MKLN1: variants seen among roughly 807,000 people sequenced by gnomAD.
MKLN1 encodes the protein muskelin 1.
In MKLN1, 18 loss-of-function variants were observed where a neutral mutation model predicts 99.0. That is an observed-to-expected ratio of 0.18 (90% CI 0.13 to 0.27). The LOEUF (loss-of-function observed/expected upper bound fraction) is 0.27. MKLN1 is among the 10% of genes least tolerant of loss of function. MKLN1 has a pLI of 1.00. For missense variants in MKLN1, 621 were observed against 875.9 expected (o/e 0.71, Z 3.67); for synonymous variants, 288 against 293.2 (o/e 0.98, Z 0.18).
At chr7:131,442,528 CAA>C (rs1249373686) in intron 10 of MKLN1, among the ~76,000 whole-genome samples, 5 of 151,618 alleles carry the variant, frequency 3.3e-5, no homozygotes, top group Admixed American at 2.6e-4. Flanking sequence ...GCCTGGGCAA[CAA>C]GAGTGAAATT....
chr7:131,248,815 G>A (rs1797535157), intron 3 of MKLN1, among the ~76,000 whole-genome samples: 1 of 152,148 alleles, frequency 6.6e-6, no homozygotes, highest in African/African-American at 2.4e-5. Flanking sequence ...CACATGGGTG[G>A]GCACCTGCCT....
At chr7:131,363,643 G>A (rs1800093033) in intron 1 of MKLN1, among the ~76,000 whole-genome samples, 2 of 151,574 alleles carry the variant, frequency 1.3e-5, no homozygotes, top group African/African-American at 4.8e-5. Context: ...GAACTTGTTT[G>A]TTCCTTTGTG....
At chr7:131,312,732 T>C (rs1050531913) in intron 3 of MKLN1, among the ~76,000 whole-genome samples, 2 of 152,234 alleles carry the variant, frequency 1.3e-5, no homozygotes, top group African/African-American at 4.8e-5. Flanking sequence ...TGTAAATTTC[T>C]GGCCTAGTAG....
At chr7:131,129,017 A>G (rs1197137905) in intron 1 of MKLN1, among the ~76,000 whole-genome samples, 1 of 151,524 alleles carries the variant, frequency 6.6e-6, no homozygotes, top group East Asian at 1.9e-4. Flanking sequence ...CAACTCATAC[A>G]CTTACAAGAA....
chr7:131,137,674 A>AAG (rs1584784754), intron 1 of MKLN1, among the ~76,000 whole-genome samples: 1 of 152,160 alleles, frequency 6.6e-6, no homozygotes, highest in Admixed American at 6.5e-5. Context: ...TCCTGGGTTC[A>AAG]TGCAATTCTC....
intron 3 of MKLN1, among the ~76,000 whole-genome samples, chr7:131,304,230 A>C (rs900783584): frequency 6.6e-6 from 1 of 152,112 alleles, no homozygotes; most frequent in Non-Finnish European, 1.5e-5. Context: ...AATTAGCTGG[A>C]GGAAGTGGCC....
chr7:131,399,551 C>G (rs191546723), intron 6 of MKLN1, 118 bp downstream of exon 6: 12 of 800,950 alleles, frequency 1.5e-5, no homozygotes. Context: ...GTTTTTTACT[C>G]GGTTAAAGAT....
chr7:131,281,002 T>A (rs1355992932), intron 3 of MKLN1, among the ~76,000 whole-genome samples: 1 of 152,230 alleles, frequency 6.6e-6, no homozygotes, highest in Non-Finnish European at 1.5e-5. Flanking sequence ...GACTGTCTTT[T>A]CACTTTCTTG....
At chr7:131,326,315 A>C (rs1798888704), upstream of MKLN1, among the ~76,000 whole-genome samples, 1 of 152,192 alleles carries the variant, frequency 6.6e-6, no homozygotes, top group Non-Finnish European at 1.5e-5. Flanking sequence ...GCTGCAACAC[A>C]GAAAGCACAT....
chr7:131,205,920 G>GTCT (rs1796803527), intron 3 of MKLN1, among the ~76,000 whole-genome samples: 1 of 144,686 alleles, frequency 6.9e-6, no homozygotes, highest in Admixed American at 7.0e-5. Context: ...CTGAAACAGA[G>GTCT]TCTTGCTCTG....
intron 1 of MKLN1, among the ~76,000 whole-genome samples, chr7:131,111,657 A>G (rs1318122205): frequency 6.7e-6 from 1 of 150,036 alleles, no homozygotes; most frequent in Non-Finnish European, 1.5e-5. Context: ...TAAAGCCTAG[A>G]AAAAAAAAAC....
intron 12 of MKLN1, among the ~76,000 whole-genome samples, chr7:131,456,555 G>C (rs1182431518): frequency 6.6e-6 from 1 of 152,086 alleles, no homozygotes; most frequent in Non-Finnish European, 1.5e-5. Flanking sequence ...CATTATGTCA[G>C]TGCAGAAACC....
At chr7:131,301,512 T>C (rs1288134398) in intron 3 of MKLN1, among the ~76,000 whole-genome samples, 1 of 152,192 alleles carries the variant, frequency 6.6e-6, no homozygotes. Context: ...GATTTTAACA[T>C]TATGAGGGCA....
intron 3 of MKLN1, among the ~76,000 whole-genome samples, chr7:131,260,224 T>C (rs187330224): frequency 6.6e-6 from 1 of 152,174 alleles, no homozygotes; most frequent in African/African-American, 2.4e-5. Context: ...TTTTGTATTT[T>C]AGTAGAGATG....
chr7:131,433,484 T>G (rs549293631), intron 9 of MKLN1, among the ~76,000 whole-genome samples: 2,469 of 152,280 alleles, frequency 0.016, 46 homozygotes, highest in African/African-American at 0.054. Flanking sequence ...AATATGCCAT[T>G]ACTCATCAAA....
At chr7:131,429,816 G>A (rs1584734156) in intron 9 of MKLN1, among the ~76,000 whole-genome samples, 1 of 152,074 alleles carries the variant, frequency 6.6e-6, no homozygotes, top group South Asian at 2.1e-4. Flanking sequence ...TCCTGACCTC[G>A]TGATCCACCC....
intron 2 of MKLN1, among the ~76,000 whole-genome samples, chr7:131,169,338 A>G (rs539761737): frequency 1.3e-5 from 2 of 152,342 alleles, no homozygotes; most frequent in South Asian, 4.1e-4. Context: ...CTCGTAATCA[A>G]TTGATGCCCC....
Position 131,487,805 on chromosome 7 carries a change from C to T in MKLN1, c.*77C>T. 1 of 1,525,338 alleles carries T rather than the reference C, an allele frequency of 6.6e-7. No homozygotes were observed. Among genetic ancestry groups the T allele is most frequent in the South Asian group, 1.2e-5 (1 of 82,424 alleles). 94.5% of individuals were successfully genotyped at this position (1,525,338 alleles called of 1,614,324 possible). On this transcript the variant is annotated 3_prime_UTR_variant, in exon 18 of 18. Coordinates refer to ENST00000352689, the MANE Select transcript of MKLN1 (RefSeq NM_013255.5). This position sits in a 1 kb window ranked among gnomAD's most constrained non-coding sequence, Gnocchi z 4.7. ...TTTGGATTGCAGCTCCACTGACTGA[C>T]AGTAAAGCTGCAGTGATTGAGGACT...
chr7:131,278,718 C>T (rs114307924), intron 3 of MKLN1, among the ~76,000 whole-genome samples: 3,114 of 151,646 alleles, frequency 0.021, 95 homozygotes, highest in African/African-American at 0.071. Flanking sequence ...TCAGCCTCCC[C>T]AGTAGCTAGG....
Sources: gnomAD v4.1 joint callset for allele counts (sites outside exome capture counted in the v4.1 genomes callset) on GRCh38, gnomAD v4.1.1 for gene constraint, Gnocchi (gnomAD v3.1) non-coding constraint, MANE v1.5 for transcripts, NCBI Gene and HGNC (gene_info 2026-07-23, HGNC 2026-07-21) for gene names.